DACT2: variants seen among roughly 807,000 people sequenced by gnomAD.
The protein encoded by DACT2 is dishevelled binding antagonist of beta catenin 2, also known as dapper homolog 2.
In DACT2, 20 loss-of-function variants were observed where a neutral mutation model predicts 22.2. The observed-to-expected ratio is 0.90, with a 90% confidence interval of 0.63 to 1.31. The LOEUF is 1.31. Among genes scored for constraint, DACT2 ranks in the 50% most tolerant of loss-of-function variants. The pLI is 0.00. For synonymous variants in DACT2, 463 were observed against 479.8 expected, an observed-to-expected ratio of 0.96 and a Z score of 0.46; for missense variants, 1,048 against 1,061.4, an observed-to-expected ratio of 0.99 and a Z score of 0.18.
chr6:168,299,230 G>A (rs1183609303), intron 3 of DACT2: 1 of 152,176 alleles, frequency 6.6e-6, no homozygotes, highest in Non-Finnish European at 1.5e-5. Context: ...AGTAGCTGGT[G>A]CAGGTCTCCC....
At chr6:168,303,638 T>C (rs1281740713), downstream of DACT2, among the ~76,000 whole-genome samples, 1 of 152,204 alleles carries the variant, frequency 6.6e-6, no homozygotes, top group Admixed American at 6.5e-5. Flanking sequence ...GCCTTTTTTC[T>C]TTTTCAATTA....
chr6:168,308,910 C>G lies in DACT2; in HGVS notation c.847G>C (p.Ala283Pro). The G allele has an allele frequency of 1.3e-6, 2 of 1,550,734 alleles. No individual in the cohort carries two copies. The highest frequency in any genetic ancestry group is 1.7e-6 in the Non-Finnish European group (2 of 1,146,866). ...AGGACAAACAGGGGGCTCTGTAGAG[C>G]CACGGCGTGCAGGGGGCTGGGGTAC... ...YPYPSPLHAV[A>P]LQSPLFVLTK... The change falls in exon 4 of 4, where the codon GCT (alanine) becomes CCT (proline). Residue 283 changes from alanine (A) to proline (P), a missense_variant. Ala to Pro is a conservative substitution (Grantham distance 27, BLOSUM62 -1). Coordinates refer to ENST00000366795, the MANE Select transcript of DACT2 (RefSeq NM_214462.5).
chr6:168,308,548 G>C lies in DACT2; in HGVS notation c.1209C>G (p.Pro403=). The change falls in exon 4 of 4, where the codon CCC becomes CCG. Residue 403 remains proline (P), a synonymous_variant. Transcript: ENST00000366795. The stretch of plus-strand genomic sequence containing the variant: ...CAAGGGGCATGTATCCCTGCTGCTG[G>C]GGCCCGCCCCTGCCGGCACCCCTGC... ...AQSRGAGRGG[P]QQQGYMPLEG... 2.6e-6 allele frequency: 4 copies of C among 1,550,426 alleles called. No individual in the cohort carries two copies. The African/African-American group carries it at 5.5e-5, about 21-fold the overall frequency.
At position 168,309,479 on chromosome 6, in the gene DACT2, G is replaced by A. The variant is rs535525163; in HGVS notation, c.659-381C>T. ...ACACAGGGTGCGGGGCCCTATTTGCGCCTGCAGCGCGGCCCCCTCAGCCTG... is the reference window on the plus strand; with the variant it reads ...ACACAGGGTGCGGGGCCCTATTTGCACCTGCAGCGCGGCCCCCTCAGCCTG... On this transcript the variant is annotated intron_variant, in intron 3 of 3. Transcript: ENST00000366795. Among the ~76,000 whole-genome samples the A allele has an allele frequency of 2.7e-4, 26 of 96,494 alleles. No individual in the cohort carries two copies. The East Asian group carries it at 0.022, about 82-fold the overall frequency. The allele number at this position is 96,494 out of a possible 152,430, so 63.3% of individuals were successfully genotyped here. A position where few individuals can be genotyped will look rare whatever the true frequency, so the allele number is the denominator to read the frequency against.
chr6:168,307,069 T>G lies in DACT2; in HGVS notation c.*363A>C. ...CTTTTGGGGAGGAATGGTCAAAGGATTGGGAAACACTTCCCCAGCCAGAGG... is the reference window on the plus strand; with the variant it reads ...CTTTTGGGGAGGAATGGTCAAAGGAGTGGGAAACACTTCCCCAGCCAGAGG... On this transcript the variant is annotated 3_prime_UTR_variant, in exon 4 of 4. Coordinates refer to ENST00000366795, the MANE Select transcript of DACT2 (RefSeq NM_214462.5). This position sits in a 1 kb window ranked among gnomAD's most constrained non-coding sequence, Gnocchi z 5.3. 2.9e-6 allele frequency: 3 copies of G among 1,046,426 alleles called. No homozygotes were observed. Among genetic ancestry groups the G allele is most frequent in the East Asian group, 8.3e-5 (1 of 12,042 alleles). The allele number at this position is 1,046,426 out of a possible 1,614,324, so 64.8% of individuals were successfully genotyped here.
At chr6:168,295,338 T>C (rs1412685131) in intron 3 of DACT2, among the ~76,000 whole-genome samples, 1 of 152,198 alleles carries the variant, frequency 6.6e-6, no homozygotes, top group Non-Finnish European at 1.5e-5. Context: ...AGAGGAGTGT[T>C]ATTTACTGGG....
chr6:168,310,452 C>T lies in DACT2; in HGVS notation c.380-6G>A, dbSNP rs376981626. 2,566 of 1,547,406 alleles carry T rather than the reference C, an allele frequency of 1.7e-3. 5 individuals are homozygous for T. The highest frequency in any genetic ancestry group is 1.6e-3 in the South Asian group (133 of 83,274). ...GTCGCTCATCTCGTAAAAGCCTGGACGGAGCAGACAAGGCAGGTCAGTGAC... is the reference window on the plus strand; with the variant it reads ...GTCGCTCATCTCGTAAAAGCCTGGATGGAGCAGACAAGGCAGGTCAGTGAC... On this transcript the variant is annotated splice_region_variant and splice_polypyrimidine_tract_variant and intron_variant, in intron 2 of 3. Transcript: ENST00000366795.
At position 168,308,562 on chromosome 6, in the gene DACT2, C is replaced by A. The variant is rs767015702; in HGVS notation, c.1195G>T (p.Gly399Cys). 1.3e-6 allele frequency: 2 copies of A among 1,549,216 alleles called. No individual in the cohort carries two copies. Among genetic ancestry groups the A allele is most frequent in the Admixed American group, 3.9e-5 (2 of 50,984 alleles). ...EGGPAQSRGA[G>C]RGGPQQQGYM... ...CCCTGCTGCTGGGGCCCGCCCCTGC[C>A]GGCACCCCTGCTCTGAGCTGGCCCT... is the stretch of plus-strand genomic sequence containing the variant. The change falls in exon 4 of 4, where the codon GGC becomes TGC. Residue 399 changes from glycine to cysteine, a missense_variant. Transcript: ENST00000366795.
chr6:168,304,514 G>T (rs1029250188), downstream of DACT2, among the ~76,000 whole-genome samples: 12 of 152,306 alleles, frequency 7.9e-5, no homozygotes, highest in Non-Finnish European at 1.8e-4. Context: ...GCTGCTATCT[G>T]CCCTGGGCCT....
chr6:168,308,729 C>A lies in DACT2; in HGVS notation c.1028G>T (p.Arg343Leu). 1 of 1,550,566 alleles carries A rather than the reference C, an allele frequency of 6.4e-7. No homozygotes were observed. The highest frequency in any genetic ancestry group is 8.7e-7 in the Non-Finnish European group (1 of 1,146,896). The change falls in exon 4 of 4, where the codon CGG (arginine) becomes CTG (leucine). Residue 343 changes from arginine to leucine, a missense_variant. Coordinates refer to ENST00000366795, the MANE Select transcript of DACT2 (RefSeq NM_214462.5). ...YIDRLLHLWG[R>L]ETPAKGSEGE... ...CTCGCTACCCTTTGCTGGGGTCTCC[C>A]GGCCCCACAGATGCAGCAACCTGTC... is the stretch of plus-strand genomic sequence containing the variant.
chr6:168,318,406 A>G (rs1373882402), intron 1 of DACT2, among the ~76,000 whole-genome samples: 3 of 152,236 alleles, frequency 2.0e-5, no homozygotes, highest in African/African-American at 7.2e-5. Context: ...TGCTATGTTA[A>G]CAACCTGGCT....
At position 168,314,963 on chromosome 6, in the gene DACT2, G is replaced by A. The variant is rs1011982191; in HGVS notation, c.247-3679C>T. Among the ~76,000 whole-genome samples the A allele has an allele frequency of 5.9e-5, 9 of 152,192 alleles. No homozygotes were observed. In the South Asian group the frequency reaches 6.2e-4, roughly 10 times the overall value. On this transcript the variant is annotated intron_variant, in intron 1 of 3. Coordinates refer to ENST00000366795, the MANE Select transcript of DACT2 (RefSeq NM_214462.5). ...TTCTGGGGCTGCCTGGCTCTAATGC[G>A]TGGCCCTGAGCAAGTTCTCACCCTG...
intron 1 of DACT2, among the ~76,000 whole-genome samples, chr6:168,313,856 C>T (rs1217811815): frequency 1.3e-5 from 2 of 152,138 alleles, no homozygotes; most frequent in Non-Finnish European, 2.9e-5. Flanking sequence ...TTTGGCCAGC[C>T]AGGCCTTCAG....
chr6:168,301,114 G>T (rs1211872144), intron 3 of DACT2, among the ~76,000 whole-genome samples: 5 of 152,244 alleles, frequency 3.3e-5, no homozygotes, highest in African/African-American at 7.2e-5. Context: ...GCCCGTTGTT[G>T]CTGTCGCCTG....
intron 3 of DACT2, among the ~76,000 whole-genome samples, chr6:168,297,725 C>T (rs1779031464): frequency 6.6e-6 from 1 of 152,216 alleles, no homozygotes; most frequent in East Asian, 1.9e-4. Flanking sequence ...GAGAGTCTTG[C>T]TTGCGTGGAC....
At chr6:168,318,898 C>T (rs1779577163) in intron 1 of DACT2, among the ~76,000 whole-genome samples, 1 of 152,174 alleles carries the variant, frequency 6.6e-6, no homozygotes, top group African/African-American at 2.4e-5. Flanking sequence ...TCAGCACATT[C>T]CTGAGGACAA....
chr6:168,296,288 C>T (rs1373760994), intron 3 of DACT2, among the ~76,000 whole-genome samples: 1 of 148,224 alleles, frequency 6.7e-6, no homozygotes, highest in African/African-American at 2.5e-5. Context: ...AGGACAGGCA[C>T]CCAGAATCAG....
intron 2 of DACT2, 41 bp downstream of exon 2, chr6:168,311,098 CTGCCTGTGCTGCG>C: frequency 6.8e-7 from 1 of 1,475,942 alleles, no homozygotes; most frequent in Non-Finnish European, 9.0e-7. Flanking sequence ...GGCTTCACCT[CTGCCTGTGCTGCG>C]TGCCTGCCCC....
intron 3 of DACT2, among the ~76,000 whole-genome samples, chr6:168,300,831 A>G (rs374747179): frequency 4.6e-5 from 7 of 151,984 alleles, no homozygotes; most frequent in East Asian, 1.9e-4. Context: ...CTAAAGATAT[A>G]AAAAATTAGC....
Sources: allele counts gnomAD v4.1 joint callset (sites outside exome capture counted in the v4.1 genomes callset), GRCh38; gene constraint gnomAD v4.1.1; non-coding constraint Gnocchi (gnomAD v3.1); transcripts MANE v1.5; gene names NCBI Gene and HGNC (gene_info 2026-07-23, HGNC 2026-07-21).